HMGB1: variants seen among roughly 807,000 people sequenced by gnomAD.
HMGB1 encodes the protein high mobility group box 1, also known as high mobility group protein B1.
For missense variants in HMGB1, 79 were observed against 253.5 expected (o/e 0.31, Z 4.67); for synonymous variants, 81 against 84.0 (o/e 0.96, Z 0.19).
intron 2 of HMGB1, 85 bp downstream of exon 2, chr13:30,463,446 G>A (rs1460713460): frequency 2.5e-5 from 38 of 1,531,408 alleles, no homozygotes; most frequent in African/African-American, 2.2e-4. Flanking sequence ...GTCCCACTAC[G>A]AGAATGCCAA....
At chr13:30,609,637 G>A (rs1211486242) in intron 1 of HMGB1, among the ~76,000 whole-genome samples, 1 of 152,106 alleles carries the variant, frequency 6.6e-6, no homozygotes. Flanking sequence ...GGTGGTTTTT[G>A]GTTACATGGA....
intron 1 of HMGB1, among the ~76,000 whole-genome samples, chr13:30,564,659 A>G (rs530855847): frequency 2.6e-5 from 4 of 152,348 alleles, no homozygotes; most frequent in East Asian, 1.9e-4. Flanking sequence ...TCCAGAAGTC[A>G]TATTTAAAGA....
chr13:30,570,059 A>G (rs1462971671), intron 1 of HMGB1, among the ~76,000 whole-genome samples: 1 of 152,210 alleles, frequency 6.6e-6, no homozygotes, highest in Non-Finnish European at 1.5e-5. Context: ...TGATGGGTCA[A>G]CAGCGATTTC....
chr13:30,599,051 A>G (rs1387579431), intron 1 of HMGB1, among the ~76,000 whole-genome samples: 1 of 152,082 alleles, frequency 6.6e-6, no homozygotes, highest in Non-Finnish European at 1.5e-5. Flanking sequence ...GGCTCAAGCA[A>G]TCCTCCACCT....
At chr13:30,577,355 A>G (rs1308569415) in intron 1 of HMGB1, among the ~76,000 whole-genome samples, 1 of 151,876 alleles carries the variant, frequency 6.6e-6, no homozygotes, top group Non-Finnish European at 1.5e-5. Flanking sequence ...AAAAAAAAAA[A>G]AAAAAGGCCA....
At chr13:30,574,772 G>A (rs1205155263) in intron 1 of HMGB1, among the ~76,000 whole-genome samples, 1 of 152,156 alleles carries the variant, frequency 6.6e-6, no homozygotes, top group African/African-American at 2.4e-5. Context: ...TGTCCTTACT[G>A]CAGAAATGTA....
At chr13:30,498,109 C>T (rs1000666534) in intron 1 of HMGB1, among the ~76,000 whole-genome samples, 1 of 152,178 alleles carries the variant, frequency 6.6e-6, no homozygotes, top group African/African-American at 2.4e-5. Flanking sequence ...TCCACAACCT[C>T]GCAAGCATCT....
chr13:30,588,727 G>A (rs1207393766), intron 1 of HMGB1, among the ~76,000 whole-genome samples: 1 of 152,002 alleles, frequency 6.6e-6, no homozygotes, highest in Non-Finnish European at 1.5e-5. Context: ...GACCAGCCTG[G>A]CCAACATGGT....
In HMGB1 at chr13:30,463,788, GTTAT is replaced by G. The variant is rs371718951; in HGVS notation, c.-14-98_-14-95del. 4.1e-3 allele frequency: 3,083 copies of G among 750,804 alleles called. 9 individuals carry two copies. Among genetic ancestry groups the G allele is most frequent in the Non-Finnish European group, 5.0e-3 (2,408 of 478,882 alleles). The allele number at this position is 750,804 out of a possible 1,614,324, so 46.5% of individuals were successfully genotyped here. ...TAAGGGAATGAAAACCAAAGTACTGGTTATTTAACACAGTAGCGACATCAACCTC... is the reference window on the plus strand; with the variant it reads ...TAAGGGAATGAAAACCAAAGTACTGGTTAACACAGTAGCGACATCAACCTC... On this transcript the variant is annotated intron_variant, in intron 1 of 4. Coordinates refer to ENST00000341423, the MANE Select transcript of HMGB1 (RefSeq NM_002128.7).
rs1057182111 is a variant in HMGB1 at position 30,463,754 on chromosome 13, A to C, written c.-14-60T>G. ...AAAATTATGACATATAAGACCTTAA[A>C]GTACTTAGTAAGGGAATGAAAACCA... is the stretch of plus-strand genomic sequence containing the variant. On this transcript the variant is annotated intron_variant, in intron 1 of 4. Transcript: ENST00000341423. 90 of 1,124,910 alleles carry C rather than the reference A, an allele frequency of 8.0e-5. 1 individual carries two copies. Among genetic ancestry groups the C allele is most frequent in the Non-Finnish European group, 1.1e-4 (86 of 800,842 alleles). 69.7% of individuals were successfully genotyped at this position (1,124,910 alleles called of 1,614,324 possible).
chr13:30,525,856 T>A (rs33962242), intron 1 of HMGB1, among the ~76,000 whole-genome samples: 23 of 150,230 alleles, frequency 1.5e-4, no homozygotes, highest in African/African-American at 5.4e-4. Context: ...GATGAGATTG[T>A]GGGGGGACAC....
intron 1 of HMGB1, among the ~76,000 whole-genome samples, chr13:30,600,325 G>A (rs1950386727): frequency 1.3e-5 from 2 of 152,096 alleles, no homozygotes; most frequent in Non-Finnish European, 2.9e-5. Flanking sequence ...CTTTATTACT[G>A]CTCCGCTACT....
chr13:30,518,181 T>C (rs885152), intron 1 of HMGB1, among the ~76,000 whole-genome samples: 1 of 151,524 alleles, frequency 6.6e-6, no homozygotes, highest in African/African-American at 2.4e-5. Context: ...AAAATAAAAA[T>C]AAAAAAATAG....
intron 1 of HMGB1, among the ~76,000 whole-genome samples, chr13:30,536,069 G>C (rs929889634): frequency 2.6e-5 from 4 of 152,098 alleles, no homozygotes; most frequent in African/African-American, 9.7e-5. Flanking sequence ...GTACACTACA[G>C]AACTAGATAA....
At chr13:30,593,968 A>G (rs1871486261) in intron 1 of HMGB1, among the ~76,000 whole-genome samples, 1 of 152,252 alleles carries the variant, frequency 6.6e-6, no homozygotes. Context: ...GGATTACAAT[A>G]GTAGAGTATC....
chr13:30,562,704 A>G (rs1870014873), intron 1 of HMGB1, among the ~76,000 whole-genome samples: 1 of 152,222 alleles, frequency 6.6e-6, no homozygotes, highest in East Asian at 1.9e-4. Flanking sequence ...TCTTAGAGAC[A>G]CTGAGGTCAG....
intron 1 of HMGB1, among the ~76,000 whole-genome samples, chr13:30,616,373 T>C (rs1041905839): frequency 2.0e-5 from 3 of 152,248 alleles, no homozygotes; most frequent in Non-Finnish European, 2.9e-5. Context: ...TTTGGTGATG[T>C]TGTTTTGCAG....
chr13:30,540,337 GC>G (rs993288714), intron 1 of HMGB1: 1 of 160,488 alleles, frequency 6.2e-6, no homozygotes, highest in African/African-American at 2.4e-5. Context: ...TATGGTCCAG[GC>G]CAGTTTGAGC....
upstream of HMGB1, chr13:30,466,094 T>TGTG (rs1886772291): frequency 3.7e-6 from 1 of 269,842 alleles, no homozygotes; most frequent in African/African-American, 2.3e-5. Context: ...TCTGAATGTG[T>TGTG]GTGTATGCCG....
Sources: gnomAD v4.1 joint callset for allele counts (sites outside exome capture counted in the v4.1 genomes callset) on GRCh38, gnomAD v4.1.1 for gene constraint, MANE v1.5 for transcripts, NCBI Gene and HGNC (gene_info 2026-07-23, HGNC 2026-07-21) for gene names.